The following AUTS2 variants were observed in gnomAD, a reference collection of about 807,000 sequenced individuals.
The protein encoded by AUTS2 is activator of transcription and developmental regulator AUTS2, also known as autism susceptibility gene 2 protein.
A neutral mutation model predicts 112.4 loss-of-function variants in AUTS2; 17 were observed. The observed-to-expected ratio is 0.15, with a 90% CI of 0.10 to 0.23. The LOEUF is 0.23. Ranked by LOEUF, AUTS2 falls within the 10% of genes least tolerant of loss-of-function variation. The pLI is 1.00. For missense variants in AUTS2, 1,510 were observed against 1,701.6 expected, an observed-to-expected ratio of 0.89 and a Z score of 1.98; for synonymous variants, 751 against 702.7, an observed-to-expected ratio of 1.07 and a Z score of -1.09.
chr7:69,603,374 T>C (rs974954781), intron 1 of AUTS2, among the ~76,000 whole-genome samples: 24 of 152,226 alleles, frequency 1.6e-4, no homozygotes, highest in Admixed American at 6.5e-5. Flanking sequence ...ATATAAATAG[T>C]TCCAGTTCAA....
rs1310877666 is a variant in AUTS2 at position 70,790,861 on chromosome 7, A to G, written c.3645A>G (p.Ala1215=). 1 of 1,606,102 alleles carries G rather than the reference A, an allele frequency of 6.2e-7. No homozygotes were observed. Among genetic ancestry groups the G allele is most frequent in the Admixed American group, 1.7e-5 (1 of 59,400 alleles). Reference sequence around the variant, plus strand: ...TCCTCAACAAGACCCCTCCGACAGCAGCGCTGAGCGCACCTCCCCCGCTCA... The same window carrying G: ...TCCTCAACAAGACCCCTCCGACAGCGGCGCTGAGCGCACCTCCCCCGCTCA... The part of the protein sequence containing the change: ...NGLLNKTPPT[A]ALSAPPPLIS... Residue 1215 remains alanine (A), a synonymous_variant, in exon 19 of 19, where the codon GCA becomes GCG. Coordinates refer to ENST00000342771, the MANE Select transcript of AUTS2 (RefSeq NM_015570.4). This position sits in a 1 kb window ranked among gnomAD's most constrained non-coding sequence, Gnocchi z 7.6.
chr7:70,396,298 A>G (rs577599638), intron 4 of AUTS2, among the ~76,000 whole-genome samples: 1 of 152,242 alleles, frequency 6.6e-6, no homozygotes, highest in South Asian at 2.1e-4. Flanking sequence ...ATTACTATTC[A>G]TGTTTAGAGT....
At chr7:69,681,803 A>T (rs2851488) in intron 1 of AUTS2, among the ~76,000 whole-genome samples, 108,421 of 152,084 alleles carry the variant, frequency 0.71, 38,706 homozygotes, top group East Asian at 0.78. Flanking sequence ...TTTGCACCAG[A>T]TAGTTCGGTT....
At chr7:70,176,983 T>A (rs1248061770) in intron 4 of AUTS2, among the ~76,000 whole-genome samples, 1 of 152,312 alleles carries the variant, frequency 6.6e-6, no homozygotes, top group South Asian at 2.1e-4. Context: ...ATTAGCAAGT[T>A]ACAGAACAAG....
intron 5 of AUTS2, among the ~76,000 whole-genome samples, chr7:70,459,318 T>G (rs1434680383): frequency 3.9e-5 from 6 of 152,208 alleles, no homozygotes; most frequent in Non-Finnish European, 7.3e-5. Flanking sequence ...AGTTCTTGAT[T>G]AGGAAGACTC....
chr7:69,673,619 G>T (rs1012408263), intron 1 of AUTS2, among the ~76,000 whole-genome samples: 10 of 152,208 alleles, frequency 6.6e-5, no homozygotes, highest in Non-Finnish European at 1.5e-4. Context: ...TCATTAAGAA[G>T]TTGGCCCTAA....
At chr7:70,472,967 C>T (rs1797449699) in intron 5 of AUTS2, among the ~76,000 whole-genome samples, 1 of 152,190 alleles carries the variant, frequency 6.6e-6, no homozygotes, top group South Asian at 2.1e-4. Context: ...TCGTTGGCTA[C>T]AAGATGTATG....
At chr7:70,734,249 C>T (rs892803145) in intron 6 of AUTS2, among the ~76,000 whole-genome samples, 2 of 151,948 alleles carry the variant, frequency 1.3e-5, no homozygotes, top group African/African-American at 4.8e-5. Flanking sequence ...ACCATCCTGG[C>T]TAACACAGTG....
intron 4 of AUTS2, among the ~76,000 whole-genome samples, chr7:70,430,881 G>GC (rs1343496329): frequency 7.0e-6 from 1 of 142,158 alleles, no homozygotes; most frequent in Non-Finnish European, 1.5e-5. Context: ...TGTCGCCCAG[G>GC]CTGGAGTGCA....
chr7:70,746,903 T>C (rs1788488557), intron 6 of AUTS2, among the ~76,000 whole-genome samples: 1 of 152,224 alleles, frequency 6.6e-6, no homozygotes, highest in Non-Finnish European at 1.5e-5. Flanking sequence ...CAGTGGATTC[T>C]GTAACCATTA....
At chr7:69,605,364 C>T (rs1028188927) in intron 1 of AUTS2, among the ~76,000 whole-genome samples, 6 of 152,168 alleles carry the variant, frequency 3.9e-5, no homozygotes, top group African/African-American at 1.2e-4. Flanking sequence ...TTTTCCTGCT[C>T]CCCTTTCCTG....
At chr7:70,377,000 G>C (rs1793116733) in intron 4 of AUTS2, among the ~76,000 whole-genome samples, 1 of 151,658 alleles carries the variant, frequency 6.6e-6, no homozygotes, top group African/African-American at 2.4e-5. Context: ...CCACGAACTG[G>C]ATAATATCAT....
intron 1 of AUTS2, among the ~76,000 whole-genome samples, chr7:69,635,972 G>A (rs747113868): frequency 1.3e-5 from 2 of 152,160 alleles, no homozygotes; most frequent in African/African-American, 2.4e-5. Context: ...CTTTTAAAGA[G>A]CCTTTGTTTT....
chr7:70,100,424 G>A (rs1318666777), intron 2 of AUTS2, among the ~76,000 whole-genome samples: 1 of 150,192 alleles, frequency 6.7e-6, no homozygotes, highest in Non-Finnish European at 1.5e-5. Flanking sequence ...TATAACGGTT[G>A]TACCATTTTT....
chr7:70,326,606 G>C (rs1302994346), intron 4 of AUTS2, among the ~76,000 whole-genome samples: 1 of 152,210 alleles, frequency 6.6e-6, no homozygotes, highest in Non-Finnish European at 1.5e-5. Context: ...GAAGACAGTA[G>C]AGGCCCAGGC....
At chr7:70,457,192 A>G (rs187069314) in intron 5 of AUTS2, among the ~76,000 whole-genome samples, 23 of 152,306 alleles carry the variant, frequency 1.5e-4, no homozygotes, top group Non-Finnish European at 1.8e-4. Context: ...GGAAACTACA[A>G]TAACTGACCG....
At chr7:70,516,152 CAGAG>C (rs1200222135) in intron 5 of AUTS2, among the ~76,000 whole-genome samples, 1 of 152,196 alleles carries the variant, frequency 6.6e-6, no homozygotes, top group East Asian at 1.9e-4. Context: ...ACTGATTGAA[CAGAG>C]AGACAGTAAT....
intron 4 of AUTS2, among the ~76,000 whole-genome samples, chr7:70,362,575 A>G (rs969720158): frequency 8.6e-5 from 13 of 151,896 alleles, no homozygotes; most frequent in Admixed American, 8.5e-4. Context: ...AAGTTGGAGT[A>G]TTTATATGTG....
chr7:70,304,717 C>CTTTTTTTTTTT (rs11464532), intron 4 of AUTS2, among the ~76,000 whole-genome samples: 1 of 101,324 alleles, frequency 9.9e-6, no homozygotes, highest in African/African-American at 3.8e-5. Context: ...GGATTTTTAA[C>CTTTTTTTTTTT]TTTTTTTTTT....
Sources: gnomAD v4.1 joint callset for allele counts (sites outside exome capture counted in the v4.1 genomes callset) on GRCh38, gnomAD v4.1.1 for gene constraint, Gnocchi (gnomAD v3.1) non-coding constraint, MANE v1.5 for transcripts, NCBI Gene and HGNC (gene_info 2026-07-23, HGNC 2026-07-21) for gene names.